Variants in ARSF observed in about 807,000 individuals in gnomAD.
ARSF encodes arylsulfatase F.
A neutral mutation model predicts 35.4 loss-of-function variants in ARSF; 33 were observed. The ratio of observed to expected loss-of-function variants is 0.93; its 90% CI spans 0.71 to 1.25. The LOEUF is 1.25. Among genes scored for constraint, ARSF ranks in the 50% most tolerant of loss-of-function variants. The pLI is 0.00. For missense variants in ARSF, 501 were observed against 480.2 expected, an observed-to-expected ratio of 1.04 and a Z score of -0.40; for synonymous variants, 222 against 193.1, an observed-to-expected ratio of 1.15 and a Z score of -1.24.
At chrX:3,074,192 G>C (rs1239591032) in intron 3 of ARSF, among the ~76,000 whole-genome samples, 2 of 111,316 alleles carry the variant, frequency 1.8e-5, no homozygotes, top group East Asian at 5.6e-4. Flanking sequence ...GATATTTACA[G>C]AGAGTATGTT....
At chrX:3,101,699 A>G (rs182805106) in intron 8 of ARSF, among the ~76,000 whole-genome samples, 2 of 111,831 alleles carry the variant, frequency 1.8e-5, no homozygotes, top group East Asian at 5.6e-4. Context: ...GGGTTTCATG[A>G]TTAAATTCAC....
rs755527267 is a variant in ARSF at position 3,084,442 on chromosome X, C to T, written c.606C>T (p.Thr202=). ...CVQLVAIAIL[T]LTFGKLSGWV... Reference sequence around the variant, plus strand: ...AGCTAGTTGCCATTGCCATCCTCACCCTAACCTTTGGGAAGCTGAGCGGCT... The same window carrying T: ...AGCTAGTTGCCATTGCCATCCTCACTCTAACCTTTGGGAAGCTGAGCGGCT... The change falls in exon 6 of 11, where the codon ACC becomes ACT. Residue 202 remains threonine, a synonymous_variant. Coordinates refer to ENST00000381127, the MANE Select transcript of ARSF (RefSeq NM_001201539.2). 1 of 1,211,610 alleles carries T rather than the reference C, an allele frequency of 8.3e-7. No homozygotes were observed. Among genetic ancestry groups the T allele is most frequent in the Admixed American group, 2.2e-5 (1 of 45,969 alleles).
chrX:3,061,215 G>A (rs1265849539), intron 1 of ARSF, among the ~76,000 whole-genome samples: 2 of 111,257 alleles, frequency 1.8e-5, no homozygotes, highest in East Asian at 2.8e-4. Context: ...CTTCACAAGT[G>A]AAGGAGAAAT....
intron 7 of ARSF, among the ~76,000 whole-genome samples, chrX:3,092,108 AAGAT>A (rs753302994): frequency 1.1e-3 from 117 of 110,651 alleles, no homozygotes; most frequent in Middle Eastern, 4.9e-3. Context: ...ATTGATAGAT[AAGAT>A]AGATAGATGA....
chrX:3,047,677 G>T (rs1166227057), intron 1 of ARSF, among the ~76,000 whole-genome samples: 2 of 109,980 alleles, frequency 1.8e-5, no homozygotes, highest in Non-Finnish European at 3.8e-5. Flanking sequence ...AAAGGGGACT[G>T]CCCAGCCCTC....
chrX:3,071,489 A>G (rs1028992613), intron 2 of ARSF, among the ~76,000 whole-genome samples: 26 of 110,536 alleles, frequency 2.4e-4, no homozygotes, highest in Non-Finnish European at 4.9e-4. Context: ...CTTTTAGTAG[A>G]CACAGAGTTT....
chrX:3,048,234 A>G (rs1389933950), intron 1 of ARSF, among the ~76,000 whole-genome samples: 2 of 112,357 alleles, frequency 1.8e-5, no homozygotes, highest in Non-Finnish European at 3.8e-5. Flanking sequence ...TCACTAAGCC[A>G]AGGGAAAAGT....
Position 3,072,030 on chromosome X carries a change from C to A in ARSF, c.16C>A (p.Pro6Thr). The change falls in exon 3 of 11, where the codon CCC (proline) becomes ACC (threonine). Residue 6 changes from proline to threonine, a missense_variant. Pro to Thr is a conservative substitution (Grantham distance 38). Transcript: ENST00000381127. The stretch of plus-strand genomic sequence containing the variant: ...AAATCCCTGCTTGCTTTCCAGGAGA[C>A]CCTTGGTCTTCATGTCTTTGGTGTG... MRPRR[P>T]LVFMSLVCAL... 1 of 1,202,621 alleles carries A rather than the reference C, an allele frequency of 8.3e-7. No individual in the cohort carries two copies. Among genetic ancestry groups the A allele is most frequent in the Middle Eastern group, 2.3e-4 (1 of 4,346 alleles).
chrX:3,090,910 C>T (rs1414269862), intron 7 of ARSF, among the ~76,000 whole-genome samples: 5 of 108,304 alleles, frequency 4.6e-5, no homozygotes, highest in Non-Finnish European at 9.6e-5. Flanking sequence ...TATGAGTGCA[C>T]ATGTCTTTTT....
chrX:3,070,938 GGTGTGTGTGTGT>G (rs36129786), intron 2 of ARSF, among the ~76,000 whole-genome samples: 8 of 95,148 alleles, frequency 8.4e-5, no homozygotes, highest in African/African-American at 1.9e-4. Flanking sequence ...AGTATTCCAT[GGTGTGTGTGTGT>G]GTGTGTGTGT....
Position 3,076,683 on chromosome X carries a change from CGGGCTCTGCT to C in ARSF, c.283+24_283+33del. The C allele has an allele frequency of 8.3e-7, 1 of 1,207,909 alleles. No homozygotes were observed. The highest frequency in any genetic ancestry group is 1.1e-6 in the Non-Finnish European group (1 of 893,638). On this transcript the variant is annotated intron_variant, in intron 4 of 10. Transcript: ENST00000381127. ...CCATCCGATCAGGTGCGCAAACTGG[CGGGCTCTGCT>C]GGGCTCTGCCCTCATGTTAGGATGT...
intron 1 of ARSF, among the ~76,000 whole-genome samples, chrX:3,062,255 G>A (rs1315435893): frequency 1.2e-4 from 14 of 112,111 alleles, no homozygotes; most frequent in African/African-American, 4.5e-4. Flanking sequence ...TGAAACCAAT[G>A]AGAACAAAGA....
At chrX:3,058,543 G>A in intron 1 of ARSF, 5 of 312,674 alleles carry the variant, frequency 1.6e-5, no homozygotes, top group Non-Finnish European at 3.1e-5. Flanking sequence ...GTCAGAAAAG[G>A]CAGAACATAT....
intron 9 of ARSF, among the ~76,000 whole-genome samples, chrX:3,105,212 A>G (rs757216582): frequency 6.2e-5 from 7 of 112,459 alleles, no homozygotes; most frequent in Non-Finnish European, 1.1e-4. Context: ...AAAATATTTT[A>G]GAAGTCATGG....
chrX:3,092,702 A>G (rs1330302198), intron 7 of ARSF, among the ~76,000 whole-genome samples: 1 of 112,599 alleles, frequency 8.9e-6, no homozygotes, highest in East Asian at 2.8e-4. Context: ...TAGGAAGAAT[A>G]AACATCTGCT....
intron 7 of ARSF, among the ~76,000 whole-genome samples, chrX:3,092,419 T>C (rs1179580406): frequency 8.9e-6 from 1 of 111,994 alleles, no homozygotes; most frequent in Non-Finnish European, 1.9e-5. Context: ...GCTTTAAAAA[T>C]TTAAATTAAC....
intron 9 of ARSF, among the ~76,000 whole-genome samples, chrX:3,108,971 G>A (rs773239604): frequency 2.7e-5 from 3 of 110,983 alleles, no homozygotes; most frequent in Admixed American, 9.6e-5. Context: ...AGCCGAGATC[G>A]TGCCGTTGCA....
intron 1 of ARSF, among the ~76,000 whole-genome samples, chrX:3,052,263 C>G (rs1422433022): frequency 8.9e-6 from 1 of 111,792 alleles, no homozygotes; most frequent in East Asian, 2.8e-4. Flanking sequence ...TGTATTTAAG[C>G]ATTCATTTTA....
At chrX:3,055,342 CAAAAAA>C (rs770014108) in intron 1 of ARSF, among the ~76,000 whole-genome samples, 1 of 32,461 alleles carries the variant, frequency 3.1e-5, no homozygotes, top group African/African-American at 1.2e-4. Flanking sequence ...AACTCCATTT[CAAAAAA>C]AAAAAAAAAA....
Sources: allele counts gnomAD v4.1 joint callset (sites outside exome capture counted in the v4.1 genomes callset), GRCh38; gene constraint gnomAD v4.1.1; transcripts MANE v1.5; gene names NCBI Gene and HGNC (gene_info 2026-07-23, HGNC 2026-07-21).